The following NSUN4 variants were observed in gnomAD, a reference collection of about 807,000 sequenced individuals.
NSUN4 encodes 5-cytosine rRNA methyltransferase NSUN4.
In NSUN4, 31 loss-of-function variants were observed where a neutral mutation model predicts 43.8. The ratio of observed to expected loss-of-function variants is 0.71; its 90% confidence interval spans 0.53 to 0.96. The LOEUF is 0.96. Ranked by LOEUF, NSUN4 falls within the 40% of genes least tolerant of loss-of-function variation. The pLI is 0.00. For missense variants in NSUN4, 439 were observed against 475.6 expected, an observed-to-expected ratio of 0.92 and a Z score of 0.72; for synonymous variants, 167 against 184.1, an observed-to-expected ratio of 0.91 and a Z score of 0.75.
intron 1 of NSUN4, chr1:46,342,359 G>C: frequency 2.5e-6 from 1 of 399,260 alleles, no homozygotes. Flanking sequence ...AGGCAGGCAT[G>C]CCTGGCTCTC....
intron 4 of NSUN4, among the ~76,000 whole-genome samples, chr1:46,358,398 AT>A (rs34719174): frequency 0.038 from 3,616 of 95,322 alleles, 142 homozygotes; most frequent in African/African-American, 0.13. Context: ...TCCTGGCCTA[AT>A]TTTTTTTTTT....
the NSUN4 span, among the ~76,000 whole-genome samples, chr1:46,378,729 T>A: frequency 6.6e-6 from 1 of 152,270 alleles, no homozygotes; most frequent in African/African-American, 2.4e-5. Flanking sequence ...GTGGTTCCGC[T>A]GACCTTAGTT....
At chr1:46,371,261 G>A in the NSUN4 span, among the ~76,000 whole-genome samples, 1 of 151,270 alleles carries the variant, frequency 6.6e-6, no homozygotes, top group South Asian at 2.1e-4. Context: ...TCGAGTAGCT[G>A]GGATTACAGG....
intron 1 of NSUN4, chr1:46,343,457 A>C: frequency 2.5e-6 from 1 of 399,538 alleles, no homozygotes; most frequent in Non-Finnish European, 4.4e-6. Context: ...CTTTGCCTTC[A>C]TCCAAGGATT....
At chr1:46,344,207 A>C in intron 1 of NSUN4, 1 of 161,372 alleles carries the variant, frequency 6.2e-6, no homozygotes, top group Non-Finnish European at 1.3e-5. Context: ...CTCCTTATCC[A>C]ACCTTTCTGG....
chr1:46,343,649 C>G (rs7548675), intron 1 of NSUN4: 94,700 of 399,718 alleles, frequency 0.24, 12,726 homozygotes, highest in Non-Finnish European at 0.29. Flanking sequence ...GTCAGAAAAG[C>G]AGTCCCTATC....
At chr1:46,366,243 G>T (rs1181650593), downstream of NSUN4, among the ~76,000 whole-genome samples, 1 of 152,018 alleles carries the variant, frequency 6.6e-6, no homozygotes, top group Non-Finnish European at 1.5e-5. Context: ...ATACAATTAA[G>T]AATTTAAAAA....
At chr1:46,360,879 G>T (rs1443714470) in intron 5 of NSUN4, 51 bp downstream of exon 5, 1 of 1,598,824 alleles carries the variant, frequency 6.3e-7, no homozygotes, top group African/African-American at 1.3e-5. Context: ...TGCTCTGGGA[G>T]ACTGGGGGAC....
chr1:46,345,209 C>G (rs1357995008), intron 2 of NSUN4, 65 bp downstream of exon 2: 2 of 1,182,598 alleles, frequency 1.7e-6, no homozygotes, highest in Middle Eastern at 2.1e-4. Context: ...TGTTGAGACC[C>G]AGCTTCTACC....
rs34719174 is a variant in NSUN4, at chr1:46,358,398, A to ATTTTTTTTTTTTTT, written c.754-2297_754-2284dup. Among the ~76,000 whole-genome samples the ATTTTTTTTTTTTTT allele has an allele frequency of 2.1e-5, 2 of 95,456 alleles. 1 individual carries two copies. The allele number at this position is 95,456 out of a possible 152,430, so 62.6% of individuals were successfully genotyped here. ...GGCATGAGCTACTGCTCCTGGCCTA[A>ATTTTTTTTTTTTTT]TTTTTTTTTTTTTTTTTTTTTTGAG... is the stretch of plus-strand genomic sequence containing the variant. On this transcript the variant is annotated intron_variant, in intron 4 of 5. Transcript: ENST00000474844.
chr1:46,361,749 G>A lies in NSUN4; in HGVS notation c.1058G>A (p.Cys353Tyr). ...HFRRVFMDTFCFFSSCQVGEL... is the reference protein window; with the variant it reads ...HFRRVFMDTFYFFSSCQVGEL... Reference sequence around the variant, plus strand: ...CGAAGGGTTTTCATGGACACATTTTGTTTCTTCTCATCCTGTCAGGTTGGG... The same window carrying A: ...CGAAGGGTTTTCATGGACACATTTTATTTCTTCTCATCCTGTCAGGTTGGG... Residue 353 changes from cysteine (C) to tyrosine (Y), a missense_variant, in exon 6 of 6, where the codon TGT becomes TAT. Coordinates refer to ENST00000474844, the MANE Select transcript of NSUN4 (RefSeq NM_199044.4). The A allele has an allele frequency of 1.2e-6, 2 of 1,614,204 alleles. No individual in the cohort carries two copies. Among genetic ancestry groups the A allele is most frequent in the African/African-American group, 1.3e-5 (1 of 75,052 alleles).
chr1:46,342,442 G>A (rs1418405428), intron 1 of NSUN4: 3 of 398,992 alleles, frequency 7.5e-6, no homozygotes, highest in African/African-American at 6.2e-5. Context: ...ACCCCTGGGA[G>A]TCCTTGCTAT....
At chr1:46,355,456 G>A (rs1221728665) in intron 4 of NSUN4, among the ~76,000 whole-genome samples, 1 of 152,144 alleles carries the variant, frequency 6.6e-6, no homozygotes, top group African/African-American at 2.4e-5. Flanking sequence ...TTTCAGTTAA[G>A]CTTCAGCTTC....
chr1:46,360,538 A>G (rs1663793149), intron 4 of NSUN4, among the ~76,000 whole-genome samples, 166 bp from the exon 5 acceptor site: 1 of 152,056 alleles, frequency 6.6e-6, no homozygotes, highest in Admixed American at 6.5e-5. Context: ...TTATTTCACA[A>G]TTGTCTACCA....
chr1:46,359,224 TGCTCCA>T (rs1436806813), intron 4 of NSUN4, among the ~76,000 whole-genome samples: 1 of 151,990 alleles, frequency 6.6e-6, no homozygotes. Context: ...CGTGCCATTG[TGCTCCA>T]GCCTGGGTGA....
At chr1:46,371,937 T>G in the NSUN4 span, among the ~76,000 whole-genome samples, 11 of 152,094 alleles carry the variant, frequency 7.2e-5, no homozygotes, top group Non-Finnish European at 1.6e-4. Flanking sequence ...GATCCGCCCC[T>G]ATGATTCAAA....
chr1:46,377,479 C>T, the NSUN4 span, among the ~76,000 whole-genome samples: 87 of 152,274 alleles, frequency 5.7e-4, no homozygotes, highest in East Asian at 7.3e-3. Context: ...AGACGAGAGA[C>T]GTGCTTTTCT....
rs1553178062 is a variant in NSUN4, at chr1:46,361,563, G to A, written c.879-7G>A. The A allele has an allele frequency of 3.1e-6, 5 of 1,612,070 alleles. No homozygotes were observed. In the South Asian group the frequency reaches 4.4e-5, roughly 14 times the overall value. On this transcript the variant is annotated splice_polypyrimidine_tract_variant and splice_region_variant and intron_variant, in intron 5 of 5. Coordinates refer to ENST00000474844, the MANE Select transcript of NSUN4 (RefSeq NM_199044.4). Reference sequence around the variant, plus strand: ...TAGTAACTGCTTCTGTCTCTTTCTGGTTTCAGGGCTGGACTCCTTGCCACC... The same window carrying A: ...TAGTAACTGCTTCTGTCTCTTTCTGATTTCAGGGCTGGACTCCTTGCCACC...
chr1:46,345,100 C>A lies in NSUN4; in HGVS notation c.393C>A (p.Cys131Ter), dbSNP rs1662393951. 1.9e-6 allele frequency: 3 copies of A among 1,613,686 alleles called. No homozygotes were observed. The highest frequency in any genetic ancestry group is 3.3e-4 in the Middle Eastern group (2 of 6,058). ...ASWACSPNLR[C>*]FTFDRGDISR... is the part of the protein sequence containing the mutation. ...GGGCCTGCAGTCCGAACCTTCGATGCTTCACTTTTGACAGAGGGGATATCA... is the reference window on the plus strand; with the variant it reads ...GGGCCTGCAGTCCGAACCTTCGATGATTCACTTTTGACAGAGGGGATATCA... The change falls in exon 2 of 6, where the codon TGC (cysteine) becomes TGA (stop). Residue 131 changes from cysteine to a stop codon, truncating the protein, a stop_gained. Transcript: ENST00000474844. LOFTEE classifies it high-confidence loss of function.
Sources: gnomAD v4.1 joint callset for allele counts (sites outside exome capture counted in the v4.1 genomes callset) on GRCh38, gnomAD v4.1.1 for gene constraint, MANE v1.5 for transcripts, NCBI Gene and HGNC (gene_info 2026-07-23, HGNC 2026-07-21) for gene names.